COPA: variants seen among roughly 807,000 people sequenced by gnomAD.
The protein encoded by COPA is coat protein complex I subunit alpha.
A neutral mutation model predicts 158.7 loss-of-function variants in COPA; 10 were observed. That is an observed-to-expected ratio of 0.06 (90% confidence interval 0.04 to 0.11). COPA has a LOEUF of 0.11. Among genes scored for constraint, COPA ranks in the 10% least tolerant of loss-of-function variants. COPA has a pLI of 1.00. For missense variants in COPA, 1,065 were observed against 1,536.7 expected (o/e 0.69, Z 5.13); for synonymous variants, 462 against 542.8 (o/e 0.85, Z 2.07).
chr1:160,320,257 AACATACTAGAAAACTT>A (rs1659289719), intron 8 of COPA, among the ~76,000 whole-genome samples: 1 of 152,164 alleles, frequency 6.6e-6, no homozygotes, highest in Non-Finnish European at 1.5e-5. Flanking sequence ...ATGACATGCC[AACATACTAGAAAACTT>A]ACAAGAAATG....
At chr1:160,329,748 A>ATC (rs1647417041) in intron 6 of COPA, among the ~76,000 whole-genome samples, 3 of 152,234 alleles carry the variant, frequency 2.0e-5, no homozygotes, top group African/African-American at 4.8e-5. Context: ...AAGAACTACG[A>ATC]AAACAGCCAC....
chr1:160,318,280 T>G (rs2101852596), intron 8 of COPA, among the ~76,000 whole-genome samples: 1 of 152,014 alleles, frequency 6.6e-6, no homozygotes, highest in Admixed American at 6.6e-5. Flanking sequence ...ATTTTAAGAT[T>G]TTTTAAAAAT....
Position 160,325,666 on chromosome 1 carries a change from A to G in COPA, c.497-14T>C, listed in dbSNP as rs758856725. On this transcript the variant is annotated splice_polypyrimidine_tract_variant and intron_variant, in intron 6 of 32. Coordinates refer to ENST00000241704, the MANE Select transcript of COPA (RefSeq NM_004371.4). The stretch of plus-strand genomic sequence containing the variant: ...TTTTCCTCAGACCTTTGAAGGGATA[A>G]GGAGTGGGATGAAAGATGTAAACAT... 2.6e-5 allele frequency: 42 copies of G among 1,588,718 alleles called. No individual in the cohort carries two copies. The Admixed American group carries it at 2.8e-4, about 11-fold the overall frequency.
intron 10 of COPA, 47 bp downstream of exon 10, chr1:160,313,038 A>G: frequency 1.3e-6 from 2 of 1,535,948 alleles, no homozygotes; most frequent in Non-Finnish European, 1.8e-6. Flanking sequence ...TTCAAGACTT[A>G]TAAACTTTGA....
chr1:160,295,796 T>C lies in COPA; in HGVS notation c.2416A>G (p.Thr806Ala), dbSNP rs1428214237. The C allele has an allele frequency of 6.2e-7, 1 of 1,613,498 alleles. No homozygotes were observed. Among genetic ancestry groups the C allele is most frequent in the Non-Finnish European group, 8.5e-7 (1 of 1,179,868 alleles). ...GATACAGTCAATAAAGGCCAATTGG[T>C]ATCCAATGGCATGATAGGTGCAGGT... is the stretch of plus-strand genomic sequence containing the variant. Reference protein sequence around the residue: ...QPPAPIMPLDTNWPLLTVSKG... With the variant: ...QPPAPIMPLDANWPLLTVSKG... The change falls in exon 23 of 33, where the codon ACC (threonine) becomes GCC (alanine). Residue 806 changes from threonine (T) to alanine (A), a missense_variant. Coordinates refer to ENST00000241704, the MANE Select transcript of COPA (RefSeq NM_004371.4).
chr1:160,336,367 A>G (rs1290252104), intron 3 of COPA, among the ~76,000 whole-genome samples: 1 of 151,818 alleles, frequency 6.6e-6, no homozygotes. Flanking sequence ...GATAGATACC[A>G]TGACTCCAAG....
chr1:160,334,375 C>T (rs541048694), intron 4 of COPA, among the ~76,000 whole-genome samples: 28 of 152,204 alleles, frequency 1.8e-4, no homozygotes, highest in African/African-American at 6.3e-4. Context: ...TAAGGTCTTT[C>T]GTAACTTTCC....
chr1:160,292,798 A>G (rs1030934925), intron 27 of COPA, among the ~76,000 whole-genome samples, 178 bp from the exon 28 acceptor site: 4 of 152,254 alleles, frequency 2.6e-5, no homozygotes, highest in Non-Finnish European at 4.4e-5. Flanking sequence ...CCTGGCACAC[A>G]GTGAACATTA....
chr1:160,293,853 A>G (rs1658319364), intron 25 of COPA, among the ~76,000 whole-genome samples: 1 of 152,102 alleles, frequency 6.6e-6, no homozygotes, highest in Non-Finnish European at 1.5e-5. Context: ...CTAGAACACA[A>G]CCATTTACAT....
intron 31 of COPA, 92 bp from the exon 32 acceptor site, chr1:160,290,778 T>A: frequency 2.5e-6 from 3 of 1,212,260 alleles, no homozygotes; most frequent in Non-Finnish European, 3.6e-6. Flanking sequence ...TCCGTTGATG[T>A]GAGACACAAC....
In COPA at chr1:160,332,412, G is replaced by C. The variant is rs55753215; in HGVS notation, c.496+36C>G. The stretch of plus-strand genomic sequence containing the variant: ...TAAGCAATTGCAGTTTTGCACCAGA[G>C]ATGACCAGGTTGTCCTCTGAACTTG... On this transcript the variant is annotated intron_variant, in intron 6 of 32. Coordinates refer to ENST00000241704, the MANE Select transcript of COPA (RefSeq NM_004371.4). 15,255 of 1,471,242 alleles carry C rather than the reference G, an allele frequency of 0.01. 966 individuals are homozygous for C. The African/African-American group carries it at 0.16, about 15-fold the overall frequency. 91.1% of individuals were successfully genotyped at this position (1,471,242 alleles called of 1,614,324 possible). A position where few individuals can be genotyped will look rare whatever the true frequency, so the allele number is the denominator to read the frequency against.
At chr1:160,305,648 G>A (rs1277351181) in intron 16 of COPA, 40 bp downstream of exon 16, 6 of 1,610,426 alleles carry the variant, frequency 3.7e-6, no homozygotes, top group South Asian at 1.1e-5. Context: ...GGGTGGAAGG[G>A]AATGGTCTCT....
At chr1:160,319,558 T>C (rs944488185) in intron 8 of COPA, among the ~76,000 whole-genome samples, 2 of 149,806 alleles carry the variant, frequency 1.3e-5, no homozygotes, top group African/African-American at 4.9e-5. Flanking sequence ...TTACAGAACA[T>C]TTCACCCAAC....
chr1:160,297,348 C>T lies in COPA; in HGVS notation c.2258G>A (p.Gly753Glu). 6.2e-7 allele frequency: 1 copy of T among 1,614,032 alleles called. No individual in the cohort carries two copies. The change falls in exon 21 of 33, where the codon GGA (glycine) becomes GAA (glutamate). Residue 753 changes from glycine to glutamate, a missense_variant. Physicochemically the swap from Gly to Glu is moderately conservative, Grantham distance 98. Transcript: ENST00000241704. The stretch of plus-strand genomic sequence containing the variant: ...GGCAAGTCTCGGATACTTACTCTGT[C>T]CACAGTTCTTCAGGATCCGCACACG... ...SERVRILKNC[G>E]QKSLAYLTAA...
intron 7 of COPA, among the ~76,000 whole-genome samples, chr1:160,323,764 C>T (rs1210358396): frequency 6.6e-6 from 1 of 152,206 alleles, no homozygotes; most frequent in Admixed American, 6.5e-5. Context: ...CTAAACTCAG[C>T]CTCATTTGCA....
At position 160,305,637 on chromosome 1, in the gene COPA, G is replaced by A. The variant is rs376351310; in HGVS notation, c.1528+51C>T. On this transcript the variant is annotated intron_variant, in intron 16 of 32. Coordinates refer to ENST00000241704, the MANE Select transcript of COPA (RefSeq NM_004371.4). ...TAAGTGCCGTAGACTGGCAGGGATC[G>A]GGGTGGAAGGGAATGGTCTCTAAAT... The A allele has an allele frequency of 1.7e-4, 278 of 1,614,008 alleles. 1 individual carries two copies. The highest frequency in any genetic ancestry group is 7.4e-4 in the South Asian group (67 of 91,074).
intron 3 of COPA, among the ~76,000 whole-genome samples, chr1:160,339,180 C>T (rs2369609): frequency 0.64 from 96,618 of 151,582 alleles, 32,153 homozygotes; most frequent in African/African-American, 0.85. Context: ...TTGGCCATCA[C>T]CCAACAGACA....
At chr1:160,305,101 G>A (rs1199345448) in intron 17 of COPA, 2 of 186,610 alleles carry the variant, frequency 1.1e-5, no homozygotes, top group East Asian at 1.4e-4. Flanking sequence ...GTTACTGTTG[G>A]TGGAAACAGG....
In COPA at chr1:160,296,068, T is replaced by G. The variant is rs2101825989; in HGVS notation, c.2345A>C (p.Lys782Thr). 1 of 1,614,014 alleles carries G rather than the reference T, an allele frequency of 6.2e-7. No individual in the cohort carries two copies. The highest frequency in any genetic ancestry group is 1.7e-5 in the Admixed American group (1 of 60,030). ...ATGTAAATAAAGACTCACTGTCTCC[T>G]TCTCTGGGTCAAATGTCTCCTTTAG... Reference protein sequence around the residue: ...ESLKETFDPEKETIPDIDPNA... With the variant: ...ESLKETFDPETETIPDIDPNA... Residue 782 changes from lysine (K) to threonine (T), a missense_variant, in exon 22 of 33, where the codon AAG becomes ACG. Transcript: ENST00000241704.
Sources: allele counts gnomAD v4.1 joint callset (sites outside exome capture counted in the v4.1 genomes callset), GRCh38; gene constraint gnomAD v4.1.1; transcripts MANE v1.5; gene names NCBI Gene and HGNC (gene_info 2026-07-23, HGNC 2026-07-21).